Variants in MAGI1 observed in about 807,000 individuals in gnomAD.
The protein encoded by MAGI1 is membrane-associated guanylate kinase, WW and PDZ domain-containing protein 1.
A neutral mutation model predicts 139.9 loss-of-function variants in MAGI1; 58 were observed. The ratio of observed to expected loss-of-function variants is 0.41; its 90% CI spans 0.34 to 0.52. MAGI1 has a LOEUF of 0.52. MAGI1 is among the 20% of genes least tolerant of loss of function. MAGI1 has a pLI of 0.12. For missense variants in MAGI1, 1,874 were observed against 1,901.6 expected (o/e 0.99, Z 0.27); for synonymous variants, 812 against 737.9 (o/e 1.10, Z -1.63).
At chr3:65,563,021 T>G (rs1283704430) in intron 2 of MAGI1, among the ~76,000 whole-genome samples, 1 of 152,240 alleles carries the variant, frequency 6.6e-6, no homozygotes, top group African/African-American at 2.4e-5. Flanking sequence ...AGTGATAATG[T>G]AAACACACTT....
intron 2 of MAGI1, among the ~76,000 whole-genome samples, chr3:65,510,489 G>C (rs1235229327): frequency 2.0e-5 from 3 of 149,290 alleles, no homozygotes; most frequent in Non-Finnish European, 4.4e-5. Context: ...ACCAAGGCTC[G>C]AGAACTACGT....
At chr3:65,371,392 A>C (rs1430436075) in intron 18 of MAGI1, among the ~76,000 whole-genome samples, 1 of 152,226 alleles carries the variant, frequency 6.6e-6, no homozygotes, top group Non-Finnish European at 1.5e-5. Flanking sequence ...TATGTTTAAA[A>C]ACACTACATA....
At position 65,950,106 on chromosome 3, in the gene MAGI1, A is replaced by AAAAAAAAAAAAAAAAC. The variant is rs796698272; in HGVS notation, c.313+87889_313+87890insGTTTTTTTTTTTTTTT. 4.3e-4 allele frequency among the ~76,000 whole-genome samples: 36 copies of AAAAAAAAAAAAAAAAC among 84,184 alleles called. 1 individual carries two copies. The highest frequency in any genetic ancestry group is 7.9e-4 in the East Asian group (2 of 2,536). The allele number at this position is 84,184 out of a possible 152,430, so 55.2% of individuals were successfully genotyped here. ...AAAAAAAAACAAACAAAAAAAAAAA[A>AAAAAAAAAAAAAAAAC]CAGAACTAGCAATATTACTGTTTTT... is the stretch of plus-strand genomic sequence containing the variant. On this transcript the variant is annotated intron_variant, in intron 1 of 22. Transcript: ENST00000402939.
In MAGI1 at chr3:65,438,175, C is replaced by T. The variant is rs142380606; in HGVS notation, c.1271-928G>A. On this transcript the variant is annotated intron_variant, in intron 9 of 22. Transcript: ENST00000402939. ...GATAAAGAAAATGTGGTATGTATGC[C>T]ATGGAATACTGTTCAGCCATAAAAA... Among the ~76,000 whole-genome samples, 74 of 152,204 alleles carry T rather than the reference C, an allele frequency of 4.9e-4. No homozygotes were observed. The East Asian group carries it at 0.01, about 21-fold the overall frequency.
intron 1 of MAGI1, among the ~76,000 whole-genome samples, chr3:65,667,103 A>G (rs950599439): frequency 6.6e-6 from 1 of 152,198 alleles, no homozygotes; most frequent in African/African-American, 2.4e-5. Flanking sequence ...AGAACAGAGG[A>G]AAAAAGGTGT....
intron 1 of MAGI1, among the ~76,000 whole-genome samples, chr3:65,772,495 C>A (rs1376777691): frequency 6.6e-6 from 1 of 152,166 alleles, no homozygotes; most frequent in Non-Finnish European, 1.5e-5. Context: ...ACTGAGCCAA[C>A]TGAGTTCTCT....
At position 65,621,985 on chromosome 3, in the gene MAGI1, G is replaced by A. The variant is rs901174548; in HGVS notation, c.417C>T (p.Arg139=). ...LQQTIRDNLY[R]HAVPCTTRSP... ...CCAACTACTTACAAGGCACAGCATG[G>A]CGGTAAAGGTTATCCCTTATGGTCT... is the stretch of plus-strand genomic sequence containing the variant. Residue 139 remains arginine, a synonymous_variant, in exon 2 of 23, where the codon CGC becomes CGT. Transcript: ENST00000402939. The A allele has an allele frequency of 6.2e-7, 1 of 1,611,314 alleles. No homozygotes were observed. The highest frequency in any genetic ancestry group is 8.5e-7 in the Non-Finnish European group (1 of 1,177,878).
chr3:65,746,047 C>T, intron 1 of MAGI1, among the ~76,000 whole-genome samples: 1 of 151,856 alleles, frequency 6.6e-6, no homozygotes, highest in Admixed American at 6.6e-5. Context: ...GAATTCTTTT[C>T]TTTTTTTAGA....
At chr3:65,383,414 A>G (rs1033906699) in intron 15 of MAGI1, 118 bp downstream of exon 15, 2 of 735,122 alleles carry the variant, frequency 2.7e-6, no homozygotes, top group Admixed American at 4.3e-5. Context: ...ACTACTCAAG[A>G]TTAAAGAGTC....
chr3:66,015,282 G>A (rs2067569454), intron 1 of MAGI1, among the ~76,000 whole-genome samples: 1 of 151,804 alleles, frequency 6.6e-6, no homozygotes, highest in Non-Finnish European at 1.5e-5. Context: ...ATAAAAATAA[G>A]CTTTGGATAT....
chr3:65,418,769 G>A (rs564506472), intron 12 of MAGI1, among the ~76,000 whole-genome samples: 47 of 152,196 alleles, frequency 3.1e-4, no homozygotes, highest in African/African-American at 1.0e-3. Flanking sequence ...AGATCTTCTC[G>A]AACAGCTTAC....
At position 65,757,501 on chromosome 3, in the gene MAGI1, G is replaced by A. The variant is rs530254676; in HGVS notation, c.314-135413C>T. Reference sequence around the variant, plus strand: ...AAAAATACAAAAATTAGCTGGGCACGGTGGTGCACACCTGTAATCCCAGCT... The same window carrying A: ...AAAAATACAAAAATTAGCTGGGCACAGTGGTGCACACCTGTAATCCCAGCT... On this transcript the variant is annotated intron_variant, in intron 1 of 22. Coordinates refer to ENST00000402939, the MANE Select transcript of MAGI1 (RefSeq NM_001033057.2). 1.7e-4 allele frequency among the ~76,000 whole-genome samples: 26 copies of A among 152,252 alleles called. 3 individuals carry two copies. Among genetic ancestry groups the A allele is most frequent in the African/African-American group, 3.1e-4 (13 of 41,556 alleles).
At position 65,556,201 on chromosome 3, in the gene MAGI1, C is replaced by G. The variant is rs1692382335; in HGVS notation, c.431-62570G>C. Among the ~76,000 whole-genome samples, 3 of 152,228 alleles carry G rather than the reference C, an allele frequency of 2.0e-5. No individual in the cohort carries two copies. The South Asian group carries it at 6.2e-4, about 32-fold the overall frequency. ...GATTGCATCTTCTCACTTTGAAAGACAAGAATGATCATCAAAAAAGAAACA... is the reference window on the plus strand; with the variant it reads ...GATTGCATCTTCTCACTTTGAAAGAGAAGAATGATCATCAAAAAAGAAACA... On this transcript the variant is annotated intron_variant, in intron 2 of 22. Transcript: ENST00000402939.
chr3:65,522,840 T>G (rs773292779), intron 2 of MAGI1, among the ~76,000 whole-genome samples: 8 of 152,112 alleles, frequency 5.3e-5, no homozygotes, highest in Non-Finnish European at 1.2e-4. Context: ...TACCTATAAT[T>G]CCACTACCAA....
chr3:65,513,104 CA>C (rs1353278859), intron 2 of MAGI1, among the ~76,000 whole-genome samples: 1 of 44,316 alleles, frequency 2.3e-5, no homozygotes, highest in African/African-American at 7.9e-5. Flanking sequence ...CAAAATTCAA[CA>C]ACCCTTCATG....
intron 1 of MAGI1, among the ~76,000 whole-genome samples, chr3:65,971,058 C>G (rs2064991984): frequency 6.6e-6 from 1 of 152,086 alleles, no homozygotes; most frequent in South Asian, 2.1e-4. Flanking sequence ...CAAAAATTAG[C>G]CAGGCATGGT....
intron 1 of MAGI1, among the ~76,000 whole-genome samples, chr3:65,918,379 A>ATTT (rs34906725): frequency 0.52 from 66,215 of 128,514 alleles, 18,301 homozygotes; most frequent in East Asian, 0.74. Context: ...GCTCCAAAAC[A>ATTT]TTTTTTTTTT....
chr3:65,506,892 G>A (rs1391634098), intron 2 of MAGI1, among the ~76,000 whole-genome samples: 1 of 152,108 alleles, frequency 6.6e-6, no homozygotes, highest in African/African-American at 2.4e-5. Flanking sequence ...AAGAAAAAAG[G>A]AGTTTATGCC....
At chr3:66,005,381 C>G (rs1193845348) in intron 1 of MAGI1, among the ~76,000 whole-genome samples, 1 of 152,152 alleles carries the variant, frequency 6.6e-6, no homozygotes, top group African/African-American at 2.4e-5. Context: ...CAGGCTCTTC[C>G]TATGTTTTAA....
Sources: gnomAD v4.1 joint callset for allele counts (sites outside exome capture counted in the v4.1 genomes callset) on GRCh38, gnomAD v4.1.1 for gene constraint, MANE v1.5 for transcripts, NCBI Gene and HGNC (gene_info 2026-07-23, HGNC 2026-07-21) for gene names.